Variants in KCNH5 observed in about 807,000 individuals in gnomAD.
KCNH5 encodes the protein voltage-gated delayed rectifier potassium channel KCNH5.
In KCNH5, 46 loss-of-function variants were observed where a neutral mutation model predicts 96.1. That is an observed-to-expected ratio of 0.48 (90% CI 0.38 to 0.61). The LOEUF is 0.61. Ranked by LOEUF, KCNH5 falls within the 20% of genes least tolerant of loss-of-function variation. KCNH5 has a pLI of 0.00. For synonymous variants in KCNH5, 439 were observed against 449.8 expected, an observed-to-expected ratio of 0.98 and a Z score of 0.30; for missense variants, 907 against 1,225.8, an observed-to-expected ratio of 0.74 and a Z score of 3.88.
At chr14:62,843,894 T>C (rs766596182) in intron 8 of KCNH5, among the ~76,000 whole-genome samples, 24 of 152,226 alleles carry the variant, frequency 1.6e-4, no homozygotes, top group South Asian at 1.2e-3. Context: ...AGTAATACGA[T>C]GAAATATTTA....
chr14:62,857,285 T>C (rs755532422), intron 7 of KCNH5, among the ~76,000 whole-genome samples: 12 of 152,104 alleles, frequency 7.9e-5, no homozygotes, highest in Non-Finnish European at 1.3e-4. Context: ...TGTGGGAAGA[T>C]TGTTTACTTG....
chr14:62,770,898 A>G (rs1221288851), intron 10 of KCNH5, among the ~76,000 whole-genome samples: 3 of 152,230 alleles, frequency 2.0e-5, no homozygotes, highest in African/African-American at 7.2e-5. Flanking sequence ...CCGCAAATTC[A>G]TATGGGGAAG....
chr14:62,819,725 A>T (rs1434227265), intron 8 of KCNH5, among the ~76,000 whole-genome samples: 1 of 152,200 alleles, frequency 6.6e-6, no homozygotes, highest in Non-Finnish European at 1.5e-5. Flanking sequence ...ACTTTTTAAA[A>T]TCTTGATCCT....
At chr14:62,852,477 G>A (rs1887825984) in intron 7 of KCNH5, among the ~76,000 whole-genome samples, 1 of 152,152 alleles carries the variant, frequency 6.6e-6, no homozygotes, top group Non-Finnish European at 1.5e-5. Context: ...AAATACTGCA[G>A]AAAGCTTGCA....
At chr14:62,785,035 CTAAT>C (rs1488458412) in intron 9 of KCNH5, among the ~76,000 whole-genome samples, 2 of 152,204 alleles carry the variant, frequency 1.3e-5, no homozygotes, top group East Asian at 3.9e-4. Context: ...ATAAGCAATA[CTAAT>C]TGTTTCATTA....
chr14:62,771,967 A>T (rs1281013523), intron 10 of KCNH5, among the ~76,000 whole-genome samples: 1 of 152,156 alleles, frequency 6.6e-6, no homozygotes, highest in African/African-American at 2.4e-5. Flanking sequence ...AACCCGCTTG[A>T]TTATATAATT....
At chr14:62,765,732 GA>G (rs1168845345) in intron 10 of KCNH5, among the ~76,000 whole-genome samples, 2 of 151,980 alleles carry the variant, frequency 1.3e-5, no homozygotes, top group Non-Finnish European at 2.9e-5. Flanking sequence ...CTCAAACTAT[GA>G]AAATACTACA....
In KCNH5 at chr14:63,030,794, T is replaced by C. The variant is rs961426173; in HGVS notation, c.74-13840A>G. The stretch of plus-strand genomic sequence containing the variant: ...TTGTCACCAGTGTCAAAAATAGAGA[T>C]TGTTAAATTCTAATGCAGATGCTCT... On this transcript the variant is annotated intron_variant, in intron 1 of 10. Coordinates refer to ENST00000322893, the MANE Select transcript of KCNH5 (RefSeq NM_139318.5). 3.9e-5 allele frequency among the ~76,000 whole-genome samples: 6 copies of C among 152,234 alleles called. No homozygotes were observed. The East Asian group carries it at 1.2e-3, about 29-fold the overall frequency.
rs376026108 is a variant in KCNH5 at position 62,980,934 on chromosome 14, C to G, written c.880G>C (p.Val294Leu). The change falls in exon 6 of 11, where the codon GTG (valine) becomes CTG (leucine). Residue 294 changes from valine (V) to leucine (L), a missense_variant. Val to Leu is a conservative substitution (Grantham distance 32). Around this residue, in one of 6 missense-constraint regions of KCNH5, gnomAD observed 370 missense variants for 561.3 expected, o/e 0.66. Coordinates refer to ENST00000322893, the MANE Select transcript of KCNH5 (RefSeq NM_139318.5). ...GGTAAACAAGACAGCAGATCGATCA[C>G]AAACCAAGTTTTCAGATAGTTCATC... ...IRMNYLKTWF[V>L]IDLLSCLPYD... is the part of the protein sequence containing the mutation. 6.2e-7 allele frequency: 1 copy of G among 1,614,136 alleles called. No individual in the cohort carries two copies. The highest frequency in any genetic ancestry group is 2.2e-5 in the East Asian group (1 of 44,866).
At chr14:62,972,103 T>C (rs1230142864) in intron 6 of KCNH5, among the ~76,000 whole-genome samples, 1 of 152,006 alleles carries the variant, frequency 6.6e-6, no homozygotes, top group Admixed American at 6.6e-5. Flanking sequence ...GCAAAAGACA[T>C]CTAATAAAGT....
intron 10 of KCNH5, among the ~76,000 whole-genome samples, chr14:62,760,369 T>G (rs1360840359): frequency 6.6e-6 from 1 of 152,202 alleles, no homozygotes; most frequent in Non-Finnish European, 1.5e-5. Flanking sequence ...GAGGTACCAG[T>G]TAAAAAAGGA....
At chr14:62,990,606 GT>G (rs1316205656) in intron 4 of KCNH5, among the ~76,000 whole-genome samples, 3 of 152,074 alleles carry the variant, frequency 2.0e-5, no homozygotes, top group Admixed American at 2.0e-4. Context: ...TTCTAAAAAT[GT>G]TTTAAATCAG....
intron 7 of KCNH5, among the ~76,000 whole-genome samples, chr14:62,871,340 G>C (rs1177528511): frequency 6.6e-6 from 1 of 152,110 alleles, no homozygotes; most frequent in Non-Finnish European, 1.5e-5. Context: ...CCCAATACTG[G>C]GGGTTTAAGA....
intron 6 of KCNH5, among the ~76,000 whole-genome samples, chr14:62,979,977 G>A (rs1413415025): frequency 2.0e-5 from 3 of 152,198 alleles, no homozygotes; most frequent in Non-Finnish European, 4.4e-5. Flanking sequence ...GACCTGGTGA[G>A]AGGTGATTAG....
At chr14:62,947,186 A>G (rs1595695580) in intron 7 of KCNH5, among the ~76,000 whole-genome samples, 1 of 152,296 alleles carries the variant, frequency 6.6e-6, no homozygotes, top group Non-Finnish European at 1.5e-5. Context: ...ACTTCAAAAC[A>G]AAAAGGTTTT....
At chr14:62,934,136 C>CTTTTT (rs71451286) in intron 7 of KCNH5, among the ~76,000 whole-genome samples, 1 of 141,446 alleles carries the variant, frequency 7.1e-6, no homozygotes, top group Non-Finnish European at 1.5e-5. Context: ...TTCTTTCTTT[C>CTTTTT]TTTTTTTTTT....
intron 8 of KCNH5, among the ~76,000 whole-genome samples, chr14:62,843,229 T>G (rs1425159776): frequency 6.6e-6 from 1 of 152,122 alleles, no homozygotes; most frequent in African/African-American, 2.4e-5. Context: ...AGGATGACAT[T>G]TCTTTTAAAA....
intron 8 of KCNH5, among the ~76,000 whole-genome samples, chr14:62,844,784 T>C (rs972075377): frequency 3.3e-5 from 5 of 152,190 alleles, no homozygotes; most frequent in Non-Finnish European, 7.3e-5. Context: ...CACAATTATA[T>C]TAGAGAAAGC....
At chr14:62,913,902 C>T (rs1889222023) in intron 7 of KCNH5, among the ~76,000 whole-genome samples, 2 of 152,052 alleles carry the variant, frequency 1.3e-5, no homozygotes, top group Admixed American at 6.5e-5. Context: ...CAATGTTAGC[C>T]TCAAACATCC....
Sources: gnomAD v4.1 joint callset for allele counts (sites outside exome capture counted in the v4.1 genomes callset) on GRCh38, gnomAD v4.1.1 for gene constraint, gnomAD v4.1.1 regional missense constraint, MANE v1.5 for transcripts, NCBI Gene and HGNC (gene_info 2026-07-23, HGNC 2026-07-21) for gene names.